IQGAP3: variants seen among roughly 807,000 people sequenced by gnomAD.
The protein encoded by IQGAP3 is IQ motif containing GTPase activating protein 3.
IQGAP3 carries 165 observed loss-of-function variants against 208.2 expected under a neutral mutation model. The observed-to-expected ratio is 0.79, with a 90% CI of 0.70 to 0.90. IQGAP3 has a LOEUF of 0.90. IQGAP3 is among the 40% of genes least tolerant of loss of function. The pLI is 0.00. For missense variants in IQGAP3, 1,811 were observed against 2,043.1 expected, an observed-to-expected ratio of 0.89 and a Z score of 2.19; for synonymous variants, 703 against 803.6, an observed-to-expected ratio of 0.87 and a Z score of 2.12.
At chr1:156,555,201 C>T (rs1480272119) in intron 12 of IQGAP3, among the ~76,000 whole-genome samples, 1 of 152,176 alleles carries the variant, frequency 6.6e-6, no homozygotes, top group African/African-American at 2.4e-5. Flanking sequence ...CAAACATCTG[C>T]TTATGCCGTG....
chr1:156,563,552 C>T lies in IQGAP3; in HGVS notation c.619+1G>A. ...CTGGCAGGGCAGAGCCTAGTCCTTA[C>T]CTGCAGCCTCATCCACCGAGAGCTC... is the stretch of plus-strand genomic sequence containing the variant. On this transcript the variant is annotated splice_donor_variant, in intron 7 of 37. Transcript: ENST00000361170. LOFTEE classifies it high-confidence loss of function. 2 of 1,611,698 alleles carry T rather than the reference C, an allele frequency of 1.2e-6. No homozygotes were observed. The highest frequency in any genetic ancestry group is 1.7e-6 in the Non-Finnish European group (2 of 1,178,582).
intron 11 of IQGAP3, among the ~76,000 whole-genome samples, chr1:156,560,388 G>T (rs917548843): frequency 1.3e-5 from 2 of 152,118 alleles, no homozygotes; most frequent in Non-Finnish European, 2.9e-5. Context: ...GCAGGTGCCT[G>T]TCAACCCAGC....
intron 25 of IQGAP3, 82 bp downstream of exon 25, chr1:156,539,292 C>A: frequency 7.4e-7 from 1 of 1,359,212 alleles, no homozygotes; most frequent in Non-Finnish European, 1.0e-6. Context: ...TAGGCCTCAA[C>A]AAGTTGTCAC....
At chr1:156,562,144 T>C in intron 9 of IQGAP3, 143 bp from the exon 10 acceptor site, 1 of 765,956 alleles carries the variant, frequency 1.3e-6, no homozygotes, top group East Asian at 2.7e-5. Context: ...CCCATTTGGT[T>C]CAGCCCAAAT....
intron 37 of IQGAP3, among the ~76,000 whole-genome samples, chr1:156,527,443 A>C (rs180847246): frequency 2.6e-5 from 4 of 152,142 alleles, no homozygotes; most frequent in East Asian, 2.0e-4. Context: ...GCGCCATTGC[A>C]CTCCAGCCTG....
At chr1:156,538,560 C>G (rs1327867560) in intron 26 of IQGAP3, among the ~76,000 whole-genome samples, 1 of 152,248 alleles carries the variant, frequency 6.6e-6, no homozygotes, top group African/African-American at 2.4e-5. Flanking sequence ...GCATATTCAT[C>G]TGTACTCATT....
At chr1:156,533,157 GCACACACACATA>G in intron 31 of IQGAP3, 51 bp from the exon 32 acceptor site, 1 of 1,599,684 alleles carries the variant, frequency 6.3e-7, no homozygotes, top group Non-Finnish European at 8.5e-7. Flanking sequence ...ACACACATGC[GCACACACACATA>G]CACACACACA....
Position 156,533,988 on chromosome 1 carries a change from C to G in IQGAP3, c.3873+21G>C, listed in dbSNP as rs374546075. The G allele has an allele frequency of 2.5e-6, 4 of 1,613,154 alleles. No individual in the cohort carries two copies. The African/African-American group carries it at 5.3e-5, about 22-fold the overall frequency. On this transcript the variant is annotated intron_variant, in intron 30 of 37. Transcript: ENST00000361170. Reference sequence around the variant, plus strand: ...AACCCTTGCCCACCCAGCCAACACCCTCCAGATCTCAGCCCCTCACCCTGT... The same window carrying G: ...AACCCTTGCCCACCCAGCCAACACCGTCCAGATCTCAGCCCCTCACCCTGT...
In IQGAP3 at chr1:156,570,096, C is replaced by A. The variant is rs145615380; in HGVS notation, c.38-633G>T. ...TTCTTATCCCTAATTAGACTGAGTT[C>A]TCCAAGAACTGGACCTGTGTCATCC... On this transcript the variant is annotated intron_variant, in intron 1 of 37. Transcript: ENST00000361170. Among the ~76,000 whole-genome samples, 68 of 152,312 alleles carry A rather than the reference C, an allele frequency of 4.5e-4. 1 individual carries two copies. The highest frequency in any genetic ancestry group is 3.4e-3 in the Middle Eastern group (1 of 294).
Position 156,544,088 on chromosome 1 carries a change from T to G in IQGAP3, c.2461-38A>C, listed in dbSNP as rs778809387. ...CAGATTGGAAAAGGGTTGCTGGCTG[T>G]CCTTGCTCTAGTCTCATGGGCAAAG... On this transcript the variant is annotated intron_variant, in intron 21 of 37. Coordinates refer to ENST00000361170, the MANE Select transcript of IQGAP3 (RefSeq NM_178229.5). The G allele has an allele frequency of 1.9e-6, 3 of 1,613,246 alleles. No homozygotes were observed. In the African/African-American group the frequency reaches 4.0e-5, roughly 22 times the overall value.
intron 28 of IQGAP3, 109 bp downstream of exon 28, chr1:156,535,054 G>T: frequency 2.3e-6 from 2 of 877,328 alleles, no homozygotes; most frequent in South Asian, 1.4e-5. Context: ...TTCCCTCCTT[G>T]GATTTTTATG....
In IQGAP3 at chr1:156,554,236, G is replaced by C; in HGVS notation, c.1447C>G (p.Arg483Gly). The C allele has an allele frequency of 6.2e-7, 1 of 1,605,058 alleles. No homozygotes were observed. The highest frequency in any genetic ancestry group is 8.5e-7 in the Non-Finnish European group (1 of 1,176,716). Residue 483 changes from arginine (R) to glycine (G), a missense_variant and splice_region_variant, in exon 13 of 38, where the codon CGT becomes GGT. Transcript: ENST00000361170. Reference protein sequence around the residue: ...LAEVEGENAQRYFDALLKLRQ... With the variant: ...LAEVEGENAQGYFDALLKLRQ... ...AATGTGTGGCTAAGCCTTTCTCACC[G>C]CTGGGCATTTTCTCCTTCCACCTCA...
Position 156,544,414 on chromosome 1 carries a change from T to A in IQGAP3, c.2363A>T (p.Lys788Ile), listed in dbSNP as rs766365083. The A allele has an allele frequency of 6.2e-7, 1 of 1,614,060 alleles. No homozygotes were observed. The highest frequency in any genetic ancestry group is 2.2e-5 in the East Asian group (1 of 44,890). Residue 788 changes from lysine to isoleucine, a missense_variant, in exon 20 of 38, where the codon AAA becomes ATA. Coordinates refer to ENST00000361170, the MANE Select transcript of IQGAP3 (RefSeq NM_178229.5). ...KIYLEWLQYF[K>I]ANLDAIIKIQ... ...CTTGATTATGGCATCCAGGTTTGCT[T>A]TAAAATACTGCAACCACTCCAGGTA... is the stretch of plus-strand genomic sequence containing the variant.
intron 31 of IQGAP3, 67 bp downstream of exon 31, chr1:156,533,706 C>T (rs981629595): frequency 8.2e-6 from 11 of 1,334,058 alleles, no homozygotes; most frequent in South Asian, 6.2e-5. Context: ...CATGCCCTGC[C>T]TGCCTGCCTG....
chr1:156,538,734 C>T (rs1674828381), intron 26 of IQGAP3, 75 bp downstream of exon 26: 1 of 1,291,490 alleles, frequency 7.7e-7, no homozygotes, highest in Non-Finnish European at 1.1e-6. Flanking sequence ...CCAAGCTTCC[C>T]CAGTAGGGTC....
chr1:156,565,997 A>T (rs1322250760), intron 4 of IQGAP3, 30 bp downstream of exon 4: 1 of 1,554,752 alleles, frequency 6.4e-7, no homozygotes, highest in Non-Finnish European at 8.9e-7. Flanking sequence ...AGGAGTAAAG[A>T]TGAATACCAA....
chr1:156,547,396 C>G (rs189042082), intron 19 of IQGAP3, among the ~76,000 whole-genome samples: 6 of 137,852 alleles, frequency 4.4e-5, no homozygotes, highest in African/African-American at 9.0e-5. Context: ...CAGACACACA[C>G]ACACACACAC....
At chr1:156,562,278 T>A (rs372643873) in intron 9 of IQGAP3, among the ~76,000 whole-genome samples, 7 of 150,014 alleles carry the variant, frequency 4.7e-5, no homozygotes, top group South Asian at 4.3e-4. Context: ...GATCCCCCCA[T>A]CCTCATGTAT....
intron 11 of IQGAP3, among the ~76,000 whole-genome samples, chr1:156,557,955 C>T (rs1571353616): frequency 8.9e-5 from 1 of 11,220 alleles, no homozygotes; most frequent in Non-Finnish European, 3.1e-4. Context: ...GCCCAGCCAG[C>T]CGCCCCATCC....
Sources: allele counts gnomAD v4.1 joint callset (sites outside exome capture counted in the v4.1 genomes callset), GRCh38; gene constraint gnomAD v4.1.1; transcripts MANE v1.5; gene names NCBI Gene and HGNC (gene_info 2026-07-23, HGNC 2026-07-21).